The following APP variants were observed in gnomAD, a reference collection of about 807,000 sequenced individuals.
APP encodes the protein amyloid beta precursor protein.
APP carries 31 observed loss-of-function variants against 101.4 expected under a neutral mutation model. The ratio of observed to expected loss-of-function variants is 0.31; its 90% confidence interval spans 0.23 to 0.41. The LOEUF (loss-of-function observed/expected upper bound fraction) is 0.41, where lower values mean the gene tolerates loss of function less well. Among genes scored for constraint, APP ranks in the 10% least tolerant of loss-of-function variants. The pLI, the probability that APP is intolerant of heterozygous loss-of-function variation, is 1.00. For missense variants in APP, 839 were observed against 1,003.7 expected, an observed-to-expected ratio of 0.84 and a Z score of 2.22; for synonymous variants, 366 against 364.4, an observed-to-expected ratio of 1.00 and a Z score of -0.05.
intron 1 of APP, among the ~76,000 whole-genome samples, chr21:26,134,097 C>A (rs1040528547): frequency 5.9e-5 from 9 of 152,164 alleles, no homozygotes; most frequent in African/African-American, 2.2e-4. Context: ...AGCGATCTTC[C>A]CACTCAGCCT....
At chr21:25,894,509 T>C (rs562222617) in intron 16 of APP, among the ~76,000 whole-genome samples, 49 of 152,222 alleles carry the variant, frequency 3.2e-4, no homozygotes, top group South Asian at 1.0e-3. Context: ...ATTCCAACTC[T>C]CATGGGTGAC....
At chr21:26,024,317 A>C (rs1469761603) in intron 5 of APP, among the ~76,000 whole-genome samples, 1 of 152,148 alleles carries the variant, frequency 6.6e-6, no homozygotes, top group Non-Finnish European at 1.5e-5. Context: ...AGAAGGAAAA[A>C]AAAAAGCGAG....
At chr21:26,066,398 C>T (rs1418561076) in intron 3 of APP, among the ~76,000 whole-genome samples, 2 of 151,968 alleles carry the variant, frequency 1.3e-5, no homozygotes, top group African/African-American at 4.8e-5. Flanking sequence ...CCATCACTAC[C>T]TTCCATCTCC....
chr21:25,915,782 G>A, intron 13 of APP, among the ~76,000 whole-genome samples: 1 of 152,348 alleles, frequency 6.6e-6, no homozygotes, highest in Middle Eastern at 3.4e-3. Context: ...AGTCAGGGGA[G>A]GTTGAGGTAC....
Position 25,895,567 on chromosome 21 carries a change from C to T in APP, c.2064+2006G>A, listed in dbSNP as rs142229379. On this transcript the variant is annotated intron_variant, in intron 16 of 17. Transcript: ENST00000346798. Reference sequence around the variant, plus strand: ...CTGAAATTTCCAAGGTATGCCTGTACCTCCCTAAAAAATTCTTTCAATTTA... The same window carrying T: ...CTGAAATTTCCAAGGTATGCCTGTATCTCCCTAAAAAATTCTTTCAATTTA... Among the ~76,000 whole-genome samples, 306 of 152,214 alleles carry T rather than the reference C, an allele frequency of 2.0e-3. 2 individuals carry two copies. Among genetic ancestry groups the T allele is most frequent in the African/African-American group, 7.0e-3 (289 of 41,532 alleles).
Position 26,007,043 on chromosome 21 carries a change from T to C in APP, c.866-6861A>G, listed in dbSNP as rs577368010. On this transcript the variant is annotated intron_variant, in intron 6 of 17. Transcript: ENST00000346798. The stretch of plus-strand genomic sequence containing the variant: ...ATCAAACTAGTCATTTAGAGAGAGC[T>C]AGGAACTATATTTTCTGAACTTTTT... 6.6e-5 allele frequency among the ~76,000 whole-genome samples: 10 copies of C among 152,224 alleles called. No individual in the cohort carries two copies. The South Asian group carries it at 1.7e-3, about 25-fold the overall frequency.
intron 16 of APP, among the ~76,000 whole-genome samples, chr21:25,893,001 T>C (rs1237517503): frequency 6.6e-6 from 1 of 152,100 alleles, no homozygotes; most frequent in Non-Finnish European, 1.5e-5. Context: ...ACAAGTCTAT[T>C]GGTGCCATTT....
At chr21:25,969,474 C>A (rs1343407144) in intron 11 of APP, among the ~76,000 whole-genome samples, 1 of 150,930 alleles carries the variant, frequency 6.6e-6, no homozygotes, top group African/African-American at 2.4e-5. Flanking sequence ...AAGATGGTAA[C>A]TTAACAAAAA....
chr21:26,170,866 C>T (rs1277618034), upstream of APP: 2 of 409,366 alleles, frequency 4.9e-6, no homozygotes, highest in Non-Finnish European at 8.6e-6. Context: ...GCGGCGCCGC[C>T]GGGGAACTGC....
chr21:25,976,183 C>T (rs1219395732), intron 9 of APP, among the ~76,000 whole-genome samples, 155 bp from the exon 10 acceptor site: 1 of 152,052 alleles, frequency 6.6e-6, no homozygotes, highest in East Asian at 1.9e-4. Flanking sequence ...GAATATTTGA[C>T]CTCCCACTAG....
intron 3 of APP, among the ~76,000 whole-genome samples, chr21:26,061,963 C>T (rs2046280867): frequency 6.6e-6 from 1 of 152,076 alleles, no homozygotes; most frequent in African/African-American, 2.4e-5. Flanking sequence ...TGCCTGTAAT[C>T]CCAGCACTTT....
intron 6 of APP, among the ~76,000 whole-genome samples, chr21:26,015,321 G>T (rs1349308418): frequency 6.6e-6 from 1 of 152,088 alleles, no homozygotes; most frequent in Non-Finnish European, 1.5e-5. Flanking sequence ...TGTATACCAG[G>T]AATTATGCAA....
chr21:25,961,257 C>T (rs894283495), intron 11 of APP, among the ~76,000 whole-genome samples: 2 of 152,148 alleles, frequency 1.3e-5, no homozygotes, highest in Non-Finnish European at 2.9e-5. Flanking sequence ...AACCAATGTA[C>T]TTCTTATATG....
intron 6 of APP, among the ~76,000 whole-genome samples, chr21:26,016,930 TGGGG>T (rs1277657878): frequency 0.028 from 665 of 23,578 alleles, 19 homozygotes; most frequent in Middle Eastern, 0.22. Flanking sequence ...CAGCACTTTG[TGGGG>T]GGCGGGGGGC....
At chr21:25,941,777 G>C (rs568279664) in intron 13 of APP, 3 of 152,166 alleles carry the variant, frequency 2.0e-5, no homozygotes, top group Non-Finnish European at 4.4e-5. Flanking sequence ...CCTGGCCAAT[G>C]TGTATGATTT....
At chr21:26,056,570 C>T (rs1357795610) in intron 3 of APP, among the ~76,000 whole-genome samples, 1 of 138,054 alleles carries the variant, frequency 7.2e-6, no homozygotes, top group East Asian at 2.2e-4. Flanking sequence ...CTGCCCCCAA[C>T]ACCTGTATTT....
At chr21:26,028,153 G>C (rs1245586616) in intron 5 of APP, among the ~76,000 whole-genome samples, 2 of 150,460 alleles carry the variant, frequency 1.3e-5, no homozygotes, top group African/African-American at 4.9e-5. Flanking sequence ...CTCCAGCCTG[G>C]GTGACAGAGT....
upstream of APP, chr21:26,170,900 C>G: frequency 3.1e-6 from 1 of 317,758 alleles, no homozygotes; most frequent in South Asian, 9.1e-5. Context: ...GGGAGGGGCC[C>G]TCGCGCCCCG....
intron 3 of APP, among the ~76,000 whole-genome samples, chr21:26,078,653 G>C (rs1340987151): frequency 2.0e-5 from 3 of 152,106 alleles, no homozygotes; most frequent in South Asian, 2.1e-4. Flanking sequence ...ATAAACCATA[G>C]AGCTCTCAAT....
Sources: allele counts gnomAD v4.1 joint callset (sites outside exome capture counted in the v4.1 genomes callset), GRCh38; gene constraint gnomAD v4.1.1; transcripts MANE v1.5; gene names NCBI Gene and HGNC (gene_info 2026-07-23, HGNC 2026-07-21).